The following DPP10 variants were observed in gnomAD, a reference collection of about 807,000 sequenced individuals.
DPP10 encodes the protein dipeptidyl peptidase like 10.
Under a neutral mutation model 120.9 loss-of-function variants are expected in DPP10, and 33 were observed. The observed-to-expected ratio is 0.27, with a 90% CI of 0.21 to 0.37. DPP10 has a LOEUF of 0.37. Ranked by LOEUF, DPP10 falls within the 10% of genes least tolerant of loss-of-function variation. The pLI, the probability that DPP10 is intolerant of heterozygous loss-of-function variation, is 1.00. For synonymous variants in DPP10, 337 were observed against 326.1 expected (o/e 1.03, Z -0.36); for missense variants, 816 against 942.8 (o/e 0.87, Z 1.76).
chr2:115,020,435 T>A (rs189705605), intron 1 of DPP10, among the ~76,000 whole-genome samples: 1 of 152,136 alleles, frequency 6.6e-6, no homozygotes, highest in Non-Finnish European at 1.5e-5. Flanking sequence ...TATAATGATA[T>A]AAGAAATAGT....
At chr2:115,667,298 GGTT>G (rs2089530874) in intron 5 of DPP10, among the ~76,000 whole-genome samples, 1 of 152,030 alleles carries the variant, frequency 6.6e-6, no homozygotes, top group African/African-American at 2.4e-5. Flanking sequence ...CCAGTCTGTA[GGTT>G]GTTTGTGTGT....
chr2:115,828,717 C>T (rs1439136318), intron 21 of DPP10, among the ~76,000 whole-genome samples: 1 of 152,012 alleles, frequency 6.6e-6, no homozygotes, highest in Non-Finnish European at 1.5e-5. Flanking sequence ...CTAAAAACTT[C>T]TATTTTATAT....
intron 1 of DPP10, among the ~76,000 whole-genome samples, chr2:114,774,442 A>C (rs1203917406): frequency 6.6e-6 from 1 of 151,770 alleles, no homozygotes. Flanking sequence ...TGGAGAATAA[A>C]ATAGAATCAT....
chr2:115,250,473 T>C (rs185008605), intron 1 of DPP10, among the ~76,000 whole-genome samples: 3 of 152,036 alleles, frequency 2.0e-5, no homozygotes, highest in African/African-American at 7.2e-5. Context: ...GAGAGAAGAT[T>C]GGAAGAGAAA....
chr2:115,555,050 C>G (rs897852651), intron 5 of DPP10, among the ~76,000 whole-genome samples: 2 of 152,102 alleles, frequency 1.3e-5, no homozygotes, highest in Admixed American at 6.6e-5. Context: ...CACCTCTAAA[C>G]TAGAAAGGAC....
At chr2:114,845,188 T>C (rs138476278) in intron 1 of DPP10, among the ~76,000 whole-genome samples, 120 of 152,216 alleles carry the variant, frequency 7.9e-4, no homozygotes, top group Non-Finnish European at 1.3e-3. Flanking sequence ...CCAACATGCA[T>C]TGGACTCAAC....
At chr2:114,964,161 G>A (rs1391579864) in intron 1 of DPP10, among the ~76,000 whole-genome samples, 1 of 152,178 alleles carries the variant, frequency 6.6e-6, no homozygotes, top group African/African-American at 2.4e-5. Context: ...AAGATTAAAT[G>A]TGACTATGAA....
intron 2 of DPP10, among the ~76,000 whole-genome samples, chr2:115,326,266 C>A (rs986782143): frequency 6.6e-6 from 1 of 151,972 alleles, no homozygotes; most frequent in Non-Finnish European, 1.5e-5. Flanking sequence ...CTGTAAAGTT[C>A]TTATCCCCTA....
At chr2:114,813,958 AC>A (rs1685403370) in intron 1 of DPP10, among the ~76,000 whole-genome samples, 1 of 151,310 alleles carries the variant, frequency 6.6e-6, no homozygotes, top group Non-Finnish European at 1.5e-5. Flanking sequence ...ACACACACAC[AC>A]ACACACACAC....
Position 115,836,288 on chromosome 2 carries a change from A to T in DPP10, c.2050+32A>T, listed in dbSNP as rs774368122. The stretch of plus-strand genomic sequence containing the variant: ...ACTTTCTACAGACTGACCTAGTATA[A>T]TGTATTGATTTGTAGAAAACGAAAG... On this transcript the variant is annotated intron_variant, in intron 22 of 25. Coordinates refer to ENST00000410059, the MANE Select transcript of DPP10 (RefSeq NM_020868.6). 2.6e-6 allele frequency: 4 copies of T among 1,562,738 alleles called. No homozygotes were observed. In the South Asian group the frequency reaches 4.7e-5, roughly 18 times the overall value.
chr2:114,462,381 C>T (rs1052978396), intron 1 of DPP10, among the ~76,000 whole-genome samples: 2 of 152,176 alleles, frequency 1.3e-5, no homozygotes, highest in Non-Finnish European at 2.9e-5. Flanking sequence ...CCCTCTAACA[C>T]ATGACATTTA....
intron 5 of DPP10, among the ~76,000 whole-genome samples, chr2:115,673,024 C>T (rs1575492435): frequency 6.6e-6 from 1 of 152,210 alleles, no homozygotes; most frequent in South Asian, 2.1e-4. Context: ...GCTGGGATTA[C>T]AGGTGTAAGC....
chr2:115,636,181 T>C (rs888036620), intron 5 of DPP10, among the ~76,000 whole-genome samples: 1 of 151,220 alleles, frequency 6.6e-6, no homozygotes, highest in African/African-American at 2.4e-5. Context: ...AAATCTATGA[T>C]GGTATGCTTT....
chr2:115,129,423 T>C (rs1278032959), intron 1 of DPP10, among the ~76,000 whole-genome samples: 2 of 152,202 alleles, frequency 1.3e-5, no homozygotes, highest in East Asian at 3.8e-4. Context: ...CCGAAGCACT[T>C]ATTTGTCATT....
chr2:114,649,493 C>T (rs1053627961), intron 1 of DPP10, among the ~76,000 whole-genome samples: 3 of 151,954 alleles, frequency 2.0e-5, no homozygotes, highest in Non-Finnish European at 4.4e-5. Context: ...GGACTACAGG[C>T]ACCCGCCACC....
intron 2 of DPP10, among the ~76,000 whole-genome samples, chr2:115,331,141 C>T (rs1198860498): frequency 6.6e-6 from 1 of 152,132 alleles, no homozygotes; most frequent in East Asian, 1.9e-4. Flanking sequence ...AGGTCCTTCA[C>T]ATCCCTTGTA....
intron 1 of DPP10, among the ~76,000 whole-genome samples, chr2:115,003,954 T>A (rs1485221556): frequency 6.6e-6 from 1 of 152,238 alleles, no homozygotes. Context: ...TGTAAGCATA[T>A]GTAACTATAC....
chr2:114,668,164 C>T (rs1237821173), intron 1 of DPP10, among the ~76,000 whole-genome samples: 4 of 152,100 alleles, frequency 2.6e-5, no homozygotes, highest in Non-Finnish European at 5.9e-5. Context: ...GTTTCATAAT[C>T]TGCCATCTAC....
At chr2:115,810,747 G>A (rs1686548016) in intron 19 of DPP10, among the ~76,000 whole-genome samples, 1 of 152,184 alleles carries the variant, frequency 6.6e-6, no homozygotes, top group Admixed American at 6.5e-5. Flanking sequence ...CAACAAAGTT[G>A]TATGTCCCCA....
Sources: allele counts gnomAD v4.1 joint callset (sites outside exome capture counted in the v4.1 genomes callset), GRCh38; gene constraint gnomAD v4.1.1; transcripts MANE v1.5; gene names NCBI Gene and HGNC (gene_info 2026-07-23, HGNC 2026-07-21).